Variants in AFG1L observed in about 807,000 individuals in gnomAD.
AFG1L encodes the protein AFG1-like ATPase.
Under a neutral mutation model 62.2 loss-of-function variants are expected in AFG1L, and 53 were observed. The ratio of observed to expected loss-of-function variants is 0.85; its 90% CI spans 0.68 to 1.07. AFG1L has a LOEUF of 1.07. Ranked by LOEUF, AFG1L falls within the 50% of genes least tolerant of loss-of-function variation. The pLI is 0.00. For synonymous variants in AFG1L, 228 were observed against 210.3 expected (o/e 1.08, Z -0.73); for missense variants, 555 against 590.5 (o/e 0.94, Z 0.62).
At chr6:108,417,297 AC>A (rs1201354557) in intron 7 of AFG1L, among the ~76,000 whole-genome samples, 3 of 146,740 alleles carry the variant, frequency 2.0e-5, no homozygotes, top group Non-Finnish European at 4.5e-5. Context: ...CAAAAAAAAA[AC>A]GGGGAAAAAA....
chr6:108,499,151 C>G (rs1455405528), intron 10 of AFG1L, among the ~76,000 whole-genome samples: 1 of 150,730 alleles, frequency 6.6e-6, no homozygotes, highest in South Asian at 2.1e-4. Context: ...TCACTGCAAC[C>G]TCTGCCTCCT....
chr6:108,295,114 G>A lies in AFG1L; in HGVS notation c.35G>A (p.Arg12His). 5 of 1,611,498 alleles carry A rather than the reference G, an allele frequency of 3.1e-6. No homozygotes were observed. The highest frequency in any genetic ancestry group is 2.7e-5 in the African/African-American group (2 of 75,068). The change falls in exon 1 of 13, where the codon CGC becomes CAC. Residue 12 changes from arginine to histidine, a missense_variant. By Grantham distance (29) the Arg-to-His change is conservative (BLOSUM62 0). Transcript: ENST00000368977. ...AASWSLLVTL[R>H]PLAQSPLRGR... ...TCCTGGTCGCTCTTGGTTACCCTGC[G>A]CCCCTTAGCACAGAGCCCGCTGAGA...
intron 9 of AFG1L, 109 bp from the exon 10 acceptor site, chr6:108,477,083 T>G: frequency 1.0e-6 from 1 of 989,224 alleles, no homozygotes; most frequent in Non-Finnish European, 1.6e-6. Context: ...CTAATTTATG[T>G]GTTGAATCAT....
intron 3 of AFG1L, among the ~76,000 whole-genome samples, chr6:108,354,020 A>T (rs1471729325): frequency 6.6e-6 from 1 of 152,160 alleles, no homozygotes; most frequent in Non-Finnish European, 1.5e-5. Context: ...CAAAGGAATT[A>T]CTAGACAGGA....
At chr6:108,414,661 A>G (rs944640070) in intron 7 of AFG1L, among the ~76,000 whole-genome samples, 38 of 152,202 alleles carry the variant, frequency 2.5e-4, no homozygotes, top group Admixed American at 1.6e-3. Flanking sequence ...ATAGAACCAA[A>G]GACAAAAACC....
At position 108,525,227 on chromosome 6, in the gene AFG1L, C is replaced by G. The variant is rs1255424413; in HGVS notation, c.*2802C>G. The G allele has an allele frequency of 6.6e-6, 1 of 152,102 alleles. No homozygotes were observed. The highest frequency in any genetic ancestry group is 1.5e-5 in the Non-Finnish European group (1 of 67,998). 9.4% of individuals were successfully genotyped at this position (152,102 alleles called of 1,614,324 possible). A position where few individuals can be genotyped will look rare whatever the true frequency, so the allele number is the denominator to read the frequency against. ...GAGGTCAAGCGGAGAAAAAGGAAAA[C>G]TTTCTTTAGAGAAGAAAAAGAAAAA... is the stretch of plus-strand genomic sequence containing the variant. On this transcript the variant is annotated 3_prime_UTR_variant, in exon 13 of 13. Transcript: ENST00000368977.
At chr6:108,475,297 C>T (rs6909544) in intron 8 of AFG1L, among the ~76,000 whole-genome samples, 102,264 of 152,052 alleles carry the variant, frequency 0.67, 36,337 homozygotes, top group African/African-American at 0.92. Context: ...TGTAGCCTTG[C>T]AGTATAGTTT....
chr6:108,397,513 T>C (rs1562132126), intron 6 of AFG1L, among the ~76,000 whole-genome samples: 1 of 152,222 alleles, frequency 6.6e-6, no homozygotes, highest in Non-Finnish European at 1.5e-5. Flanking sequence ...CACCTCGGCC[T>C]CCCAAAGTGC....
At chr6:108,455,198 CTAGGATTTGCTTCAAAATAATCCAGTG>C (rs1772206209) in intron 8 of AFG1L, among the ~76,000 whole-genome samples, 2 of 152,026 alleles carry the variant, frequency 1.3e-5, no homozygotes, top group African/African-American at 4.8e-5. Flanking sequence ...AATACAATGT[CTAGGATTTGCTTCAAAATAATCCAGTG>C]TAGGAGAATT....
chr6:108,475,267 T>A (rs1338622323), intron 8 of AFG1L, among the ~76,000 whole-genome samples: 1 of 152,220 alleles, frequency 6.6e-6, no homozygotes, highest in Non-Finnish European at 1.5e-5. Context: ...TTGGTACCAG[T>A]ACCAGGCTGT....
intron 10 of AFG1L, among the ~76,000 whole-genome samples, chr6:108,492,400 T>C (rs969210304): frequency 6.6e-6 from 1 of 152,242 alleles, no homozygotes; most frequent in East Asian, 1.9e-4. Flanking sequence ...TCAATGATTA[T>C]GGTAGAATAA....
At chr6:108,378,054 A>T (rs1780327166) in intron 6 of AFG1L, among the ~76,000 whole-genome samples, 5 of 137,998 alleles carry the variant, frequency 3.6e-5, no homozygotes, top group Non-Finnish European at 4.7e-5. Context: ...TTTTGGTCAG[A>T]TTGGGTTCGT....
chr6:108,491,239 C>G (rs999637891), intron 10 of AFG1L, among the ~76,000 whole-genome samples: 5 of 152,064 alleles, frequency 3.3e-5, no homozygotes, highest in Admixed American at 3.3e-4. Flanking sequence ...TAAAATCAAA[C>G]AATTAAGTCA....
At chr6:108,364,336 A>T (rs1779666599) in intron 5 of AFG1L, among the ~76,000 whole-genome samples, 1 of 152,256 alleles carries the variant, frequency 6.6e-6, no homozygotes, top group Non-Finnish European at 1.5e-5. Context: ...ATTTACTCTG[A>T]TAGGGCAAAA....
chr6:108,481,749 A>G (rs1189927707), intron 10 of AFG1L, among the ~76,000 whole-genome samples: 1 of 152,246 alleles, frequency 6.6e-6, no homozygotes, highest in Non-Finnish European at 1.5e-5. Context: ...CTTCTGCACT[A>G]TATCAAATAT....
chr6:108,464,534 A>G (rs750312475), intron 8 of AFG1L, among the ~76,000 whole-genome samples: 2 of 152,144 alleles, frequency 1.3e-5, no homozygotes, highest in African/African-American at 2.4e-5. Context: ...GTCGATGCCA[A>G]ATTTCCTGGC....
rs1376718181 is a variant in AFG1L, at chr6:108,524,068, A to G, written c.*1643A>G. ...CTTGACCTGAGATTCACAGTTTACA[A>G]CTACAAAACTCATATACTATATTTT... is the stretch of plus-strand genomic sequence containing the variant. On this transcript the variant is annotated 3_prime_UTR_variant, in exon 13 of 13. Transcript: ENST00000368977. The G allele has an allele frequency of 6.6e-6, 1 of 152,180 alleles. No individual in the cohort carries two copies. Among genetic ancestry groups the G allele is most frequent in the African/African-American group, 2.4e-5 (1 of 41,444 alleles). 9.4% of individuals were successfully genotyped at this position (152,180 alleles called of 1,614,324 possible). A position where few individuals can be genotyped will look rare whatever the true frequency, so the allele number is the denominator to read the frequency against.
At chr6:108,313,517 T>C (rs1020492783) in intron 1 of AFG1L, among the ~76,000 whole-genome samples, 1 of 152,164 alleles carries the variant, frequency 6.6e-6, no homozygotes, top group Non-Finnish European at 1.5e-5. Flanking sequence ...GCCCAAATCA[T>C]AGACATTGCT....
At chr6:108,504,226 T>G (rs1027222536) in intron 10 of AFG1L, among the ~76,000 whole-genome samples, 1 of 152,262 alleles carries the variant, frequency 6.6e-6, no homozygotes, top group Non-Finnish European at 1.5e-5. Flanking sequence ...TTGGCCTGTC[T>G]TGACTTTTGA....
Sources: gnomAD v4.1 joint callset for allele counts (sites outside exome capture counted in the v4.1 genomes callset) on GRCh38, gnomAD v4.1.1 for gene constraint, MANE v1.5 for transcripts, NCBI Gene and HGNC (gene_info 2026-07-23, HGNC 2026-07-21) for gene names.